The following TMCO5A variants were observed in gnomAD, a reference collection of about 807,000 sequenced individuals.
The protein encoded by TMCO5A is transmembrane and coiled-coil domain-containing protein 5A.
Under a neutral mutation model 42.3 loss-of-function variants are expected in TMCO5A, and 34 were observed. The observed-to-expected ratio is 0.80, with a 90% CI of 0.61 to 1.07. The LOEUF (loss-of-function observed/expected upper bound fraction) is 1.07. TMCO5A is among the 50% of genes least tolerant of loss of function. TMCO5A has a pLI of 0.00. For synonymous variants in TMCO5A, 131 were observed against 115.6 expected (o/e 1.13, Z -0.86); for missense variants, 357 against 327.9 (o/e 1.09, Z -0.69).
At chr15:37,950,958 T>C in intron 11 of TMCO5A, 78 bp from the exon 12 acceptor site, 2 of 1,239,346 alleles carry the variant, frequency 1.6e-6, no homozygotes. Context: ...GAGCCAGATA[T>C]GCATTCAGGT....
chr15:37,949,729 T>C (rs1890093304), intron 11 of TMCO5A, among the ~76,000 whole-genome samples: 1 of 152,028 alleles, frequency 6.6e-6, no homozygotes, highest in Admixed American at 6.6e-5. Context: ...AATAAAAATC[T>C]TCAAAACTCT....
chr15:38,031,217 G>A, the TMCO5A span, among the ~76,000 whole-genome samples: 2 of 151,980 alleles, frequency 1.3e-5, no homozygotes, highest in Non-Finnish European at 2.9e-5. Flanking sequence ...ATCCTTCCAT[G>A]TCTTCTCCCT....
At chr15:38,002,188 A>G in the TMCO5A span, among the ~76,000 whole-genome samples, 1 of 150,772 alleles carries the variant, frequency 6.6e-6, no homozygotes. Flanking sequence ...TTCACAGGGT[A>G]TGCTACTTTA....
chr15:37,997,830 A>C, the TMCO5A span, among the ~76,000 whole-genome samples: 1 of 152,190 alleles, frequency 6.6e-6, no homozygotes, highest in Non-Finnish European at 1.5e-5. Context: ...TCACACCAAC[A>C]GTGTACCATG....
intron 11 of TMCO5A, among the ~76,000 whole-genome samples, chr15:37,958,579 A>T (rs1412079087): frequency 1.3e-5 from 2 of 152,158 alleles, no homozygotes; most frequent in Non-Finnish European, 2.9e-5. Flanking sequence ...ATACCATCTC[A>T]CACCAGTTAG....
At chr15:37,937,510 G>C in intron 5 of TMCO5A, 114 bp downstream of exon 5, 1 of 1,076,294 alleles carries the variant, frequency 9.3e-7, no homozygotes, top group Non-Finnish European at 1.4e-6. Flanking sequence ...AGGCCTGTAT[G>C]TGGAGTGCAT....
At chr15:38,028,320 G>A in the TMCO5A span, among the ~76,000 whole-genome samples, 1 of 152,200 alleles carries the variant, frequency 6.6e-6, no homozygotes, top group Non-Finnish European at 1.5e-5. Flanking sequence ...TTTTGTCTGT[G>A]TCTTTGTTAA....
chr15:37,956,428 G>T (rs777055750), intron 11 of TMCO5A, among the ~76,000 whole-genome samples: 1 of 152,130 alleles, frequency 6.6e-6, no homozygotes, highest in Non-Finnish European at 1.5e-5. Flanking sequence ...TGATCCCACA[G>T]AAATATAAAC....
the TMCO5A span, among the ~76,000 whole-genome samples, chr15:38,014,348 C>A: frequency 6.6e-6 from 1 of 152,128 alleles, no homozygotes; most frequent in Admixed American, 6.6e-5. Context: ...CCCTGGCTTT[C>A]AAGACACCAA....
At chr15:38,027,472 C>T in the TMCO5A span, among the ~76,000 whole-genome samples, 1 of 152,162 alleles carries the variant, frequency 6.6e-6, no homozygotes, top group Admixed American at 6.5e-5. Flanking sequence ...AAGTAACTAG[C>T]TTGCTTTTGA....
At chr15:37,952,577 C>T (rs1890187141), downstream of TMCO5A, among the ~76,000 whole-genome samples, 1 of 152,154 alleles carries the variant, frequency 6.6e-6, no homozygotes, top group East Asian at 1.9e-4. Flanking sequence ...TACTTAAGTA[C>T]TATGTGGAGG....
chr15:38,034,397 A>G, the TMCO5A span, among the ~76,000 whole-genome samples: 1 of 152,336 alleles, frequency 6.6e-6, no homozygotes, highest in East Asian at 1.9e-4. Flanking sequence ...GCAGCTATAT[A>G]ATAAGAATTT....
intron 11 of TMCO5A, among the ~76,000 whole-genome samples, chr15:37,957,753 A>G (rs569839194): frequency 1.3e-5 from 2 of 152,236 alleles, no homozygotes; most frequent in African/African-American, 2.4e-5. Context: ...TAAATTTCAT[A>G]TGGAACCAAA....
intron 6 of TMCO5A, 87 bp from the exon 7 acceptor site, chr15:37,941,054 GCTCCTCAC>G: frequency 8.9e-7 from 1 of 1,122,996 alleles, no homozygotes; most frequent in Non-Finnish European, 1.3e-6. Context: ...TGGCCCTGAG[GCTCCTCAC>G]AGCTCGTGAG....
At chr15:38,009,525 A>G in the TMCO5A span, among the ~76,000 whole-genome samples, 23 of 152,352 alleles carry the variant, frequency 1.5e-4, no homozygotes, top group Middle Eastern at 3.4e-3. Context: ...CTCTCCTTAA[A>G]AAGACGTTTC....
At chr15:37,936,715 C>T in intron 3 of TMCO5A, 132 bp from the exon 4 acceptor site, 1 of 1,310,576 alleles carries the variant, frequency 7.6e-7, no homozygotes. Context: ...TTTATGGATT[C>T]AGTAAGGAAG....
At chr15:37,983,335 G>T in the TMCO5A span, among the ~76,000 whole-genome samples, 2 of 152,170 alleles carry the variant, frequency 1.3e-5, no homozygotes, top group Non-Finnish European at 2.9e-5. Flanking sequence ...CAGATTCACT[G>T]AGTAAACAGC....
chr15:37,997,533 A>G, the TMCO5A span, among the ~76,000 whole-genome samples: 6 of 152,186 alleles, frequency 3.9e-5, no homozygotes, highest in Admixed American at 3.9e-4. Context: ...ATTGCAAATG[A>G]CAGGATCTTG....
chr15:38,025,689 T>C, the TMCO5A span, among the ~76,000 whole-genome samples: 2 of 152,326 alleles, frequency 1.3e-5, no homozygotes, highest in African/African-American at 4.8e-5. Context: ...TGATAAGGTT[T>C]GACTCTGTGT....
Sources: gnomAD v4.1 joint callset for allele counts (sites outside exome capture counted in the v4.1 genomes callset) on GRCh38, gnomAD v4.1.1 for gene constraint, MANE v1.5 for transcripts, NCBI Gene and HGNC (gene_info 2026-07-23, HGNC 2026-07-21) for gene names.